SEZ6L: variants seen among roughly 807,000 people sequenced by gnomAD.
The protein encoded by SEZ6L is seizure related 6 homolog like, also known as seizure 6-like protein.
In SEZ6L, 37 loss-of-function variants were observed where a neutral mutation model predicts 106.2. That is an observed-to-expected ratio of 0.35 (90% confidence interval 0.27 to 0.46). SEZ6L has a LOEUF of 0.46. Ranked by LOEUF, SEZ6L falls within the 20% of genes least tolerant of loss-of-function variation. The probability of loss-of-function intolerance (pLI) is 1.00; values close to 1 mark genes in which losing one functional copy is unlikely to be tolerated. For missense variants in SEZ6L, 1,172 were observed against 1,332.8 expected, an observed-to-expected ratio of 0.88 and a Z score of 1.88; for synonymous variants, 541 against 570.4, an observed-to-expected ratio of 0.95 and a Z score of 0.73.
At chr22:26,272,440 CG>C (rs1448936099) in intron 1 of SEZ6L, among the ~76,000 whole-genome samples, 1 of 152,090 alleles carries the variant, frequency 6.6e-6, no homozygotes, top group African/African-American at 2.4e-5. Context: ...ACAAAAAAAC[CG>C]AATTTTTACC....
At chr22:26,228,229 A>C (rs142431993) in intron 1 of SEZ6L, among the ~76,000 whole-genome samples, 20 of 152,350 alleles carry the variant, frequency 1.3e-4, no homozygotes, top group African/African-American at 4.6e-4. Context: ...AACGAGCTAG[A>C]AAATGAAAGG....
chr22:26,232,085 T>C (rs2078815350), intron 1 of SEZ6L, among the ~76,000 whole-genome samples: 1 of 152,116 alleles, frequency 6.6e-6, no homozygotes, highest in Non-Finnish European at 1.5e-5. Context: ...AGGCTCAGTT[T>C]CCTCAGGTAT....
At chr22:26,259,632 C>T (rs751043769) in intron 1 of SEZ6L, among the ~76,000 whole-genome samples, 1 of 152,122 alleles carries the variant, frequency 6.6e-6, no homozygotes, top group Non-Finnish European at 1.5e-5. Context: ...ACACAGGTGT[C>T]GGAGCTCTTA....
chr22:26,326,136 A>G (rs1218029649), intron 9 of SEZ6L, among the ~76,000 whole-genome samples: 1 of 152,172 alleles, frequency 6.6e-6, no homozygotes, highest in Non-Finnish European at 1.5e-5. Flanking sequence ...ACACATGCCC[A>G]TGTTCTGCTC....
intron 12 of SEZ6L, among the ~76,000 whole-genome samples, chr22:26,363,987 G>C (rs1317146741): frequency 6.6e-6 from 1 of 152,182 alleles, no homozygotes; most frequent in African/African-American, 2.4e-5. Context: ...AAAGTAGAAT[G>C]GTGGATCCCA....
intron 6 of SEZ6L, among the ~76,000 whole-genome samples, chr22:26,308,146 C>T (rs960472245): frequency 2.6e-5 from 4 of 152,092 alleles, no homozygotes; most frequent in African/African-American, 9.7e-5. Flanking sequence ...GGCTAAAATA[C>T]CACAATATGT....
At chr22:26,263,778 C>T (rs2080091447) in intron 1 of SEZ6L, among the ~76,000 whole-genome samples, 1 of 152,204 alleles carries the variant, frequency 6.6e-6, no homozygotes, top group African/African-American at 2.4e-5. Context: ...CCTGGGCATC[C>T]TCCTTGATCT....
rs975521512 is a variant in SEZ6L, at chr22:26,380,797, T to G, written c.*502T>G. ...GCTGTGCTCCTAAACAAATTCTGTG[T>G]CCTCTCTTCCCATTTTGCCAGCTTC... On this transcript the variant is annotated 3_prime_UTR_variant, in exon 17 of 17. Coordinates refer to ENST00000248933, the MANE Select transcript of SEZ6L (RefSeq NM_021115.5). The G allele has an allele frequency of 5.2e-5, 8 of 153,008 alleles. No homozygotes were observed. The highest frequency in any genetic ancestry group is 4.5e-4 in the Admixed American group (7 of 15,396). The allele number at this position is 153,008 out of a possible 1,614,324, so 9.5% of individuals were successfully genotyped here.
At chr22:26,354,174 C>T (rs1046590442) in intron 12 of SEZ6L, among the ~76,000 whole-genome samples, 1 of 152,184 alleles carries the variant, frequency 6.6e-6, no homozygotes, top group African/African-American at 2.4e-5. Flanking sequence ...GTATCTGTAA[C>T]TGTGGATTTG....
chr22:26,187,604 A>G (rs1015976809), intron 1 of SEZ6L, among the ~76,000 whole-genome samples: 1 of 152,144 alleles, frequency 6.6e-6, no homozygotes, highest in Non-Finnish European at 1.5e-5. Context: ...GCTTTGAAAG[A>G]TTTTCTCTGT....
Position 26,382,190 on chromosome 22 carries a change from C to T in SEZ6L, c.*1895C>T. The T allele has an allele frequency of 2.7e-6, 1 of 375,380 alleles. No individual in the cohort carries two copies. Among genetic ancestry groups the T allele is most frequent in the Non-Finnish European group, 5.3e-6 (1 of 188,990 alleles). 23.3% of individuals were successfully genotyped at this position (375,380 alleles called of 1,614,324 possible). Reference sequence around the variant, plus strand: ...CCCAAAGCCCCATTTAATGCAAGAACCAGAGAAGTGTTCTAGGCCATTAGT... The same window carrying T: ...CCCAAAGCCCCATTTAATGCAAGAATCAGAGAAGTGTTCTAGGCCATTAGT... On this transcript the variant is annotated 3_prime_UTR_variant, in exon 17 of 17. Coordinates refer to ENST00000248933, the MANE Select transcript of SEZ6L (RefSeq NM_021115.5).
intron 1 of SEZ6L, among the ~76,000 whole-genome samples, chr22:26,288,546 G>A (rs2081008224): frequency 6.6e-6 from 1 of 152,144 alleles, no homozygotes; most frequent in Non-Finnish European, 1.5e-5. Flanking sequence ...ATGATCTTTG[G>A]GGTCATAAAA....
chr22:26,178,333 G>A (rs1939159157), intron 1 of SEZ6L, among the ~76,000 whole-genome samples: 2 of 152,194 alleles, frequency 1.3e-5, no homozygotes, highest in Non-Finnish European at 2.9e-5. Flanking sequence ...GAGGCTCAAG[G>A]AGACCCAAGG....
intron 9 of SEZ6L, among the ~76,000 whole-genome samples, chr22:26,332,147 G>GTTTTTT (rs752520660): frequency 8.8e-6 from 1 of 114,108 alleles, no homozygotes; most frequent in Non-Finnish European, 1.8e-5. Flanking sequence ...GATTTTCAAT[G>GTTTTTT]TTTTTTTTTT....
intron 12 of SEZ6L, among the ~76,000 whole-genome samples, chr22:26,363,950 C>A (rs1255871097): frequency 6.6e-6 from 1 of 152,202 alleles, no homozygotes; most frequent in African/African-American, 2.4e-5. Context: ...CATGCGATAA[C>A]TAGAGCTGTG....
intron 1 of SEZ6L, among the ~76,000 whole-genome samples, chr22:26,252,082 G>C (rs2079614727): frequency 6.6e-6 from 1 of 152,150 alleles, no homozygotes; most frequent in Non-Finnish European, 1.5e-5. Context: ...AGCAGCACCT[G>C]GGAGCTAGTT....
intron 1 of SEZ6L, among the ~76,000 whole-genome samples, chr22:26,172,648 A>G (rs1256865819): frequency 6.6e-6 from 1 of 152,212 alleles, no homozygotes; most frequent in Non-Finnish European, 1.5e-5. Flanking sequence ...GTGAACAACC[A>G]GGTGTGTGCA....
chr22:26,195,640 T>TA (rs1569368690), intron 1 of SEZ6L, among the ~76,000 whole-genome samples: 5 of 152,144 alleles, frequency 3.3e-5, no homozygotes, highest in Non-Finnish European at 5.9e-5. Flanking sequence ...AAGCTGATGA[T>TA]ACAGTGACAA....
intron 9 of SEZ6L, among the ~76,000 whole-genome samples, chr22:26,335,954 C>G (rs2082631402): frequency 6.6e-6 from 1 of 152,148 alleles, no homozygotes; most frequent in Non-Finnish European, 1.5e-5. Flanking sequence ...CCCACAGTGA[C>G]CACTCCCCTC....
Sources: allele counts gnomAD v4.1 joint callset (sites outside exome capture counted in the v4.1 genomes callset), GRCh38; gene constraint gnomAD v4.1.1; transcripts MANE v1.5; gene names NCBI Gene and HGNC (gene_info 2026-07-23, HGNC 2026-07-21).